Variants in OPCML observed in about 807,000 individuals in gnomAD.
OPCML encodes the protein opioid binding protein/cell adhesion molecule like, also known as opioid-binding protein/cell adhesion molecule.
Under a neutral mutation model 37.8 loss-of-function variants are expected in OPCML, and 13 were observed. The ratio of observed to expected loss-of-function variants is 0.34; its 90% CI spans 0.22 to 0.55. The LOEUF is 0.55. OPCML is among the 20% of genes least tolerant of loss of function. The pLI is 0.91. For synonymous variants in OPCML, 176 were observed against 168.8 expected (o/e 1.04, Z -0.33); for missense variants, 341 against 435.6 (o/e 0.78, Z 1.93).
intron 1 of OPCML, among the ~76,000 whole-genome samples, chr11:133,243,935 C>A (rs1940822909): frequency 1.3e-5 from 2 of 152,172 alleles, no homozygotes; most frequent in Non-Finnish European, 2.9e-5. Flanking sequence ...GCAATGTGTG[C>A]ACACCAAGTC....
chr11:132,578,024 GA>G (rs376116993), intron 3 of OPCML, among the ~76,000 whole-genome samples: 6 of 151,062 alleles, frequency 4.0e-5, no homozygotes, highest in Admixed American at 1.3e-4. Context: ...AAGATACATA[GA>G]AAAAAAAAGA....
chr11:132,570,700 A>C (rs2096435090), intron 3 of OPCML, among the ~76,000 whole-genome samples: 1 of 142,928 alleles, frequency 7.0e-6, no homozygotes, highest in Admixed American at 7.0e-5. Flanking sequence ...ATATGTGTGC[A>C]TGAAAAATTA....
intron 1 of OPCML, among the ~76,000 whole-genome samples, chr11:133,075,016 G>A (rs1393160712): frequency 6.6e-6 from 1 of 152,146 alleles, no homozygotes; most frequent in African/African-American, 2.4e-5. Context: ...GGGGACAGGA[G>A]GGCAGAGAGC....
At chr11:133,069,829 C>T (rs939004834) in intron 1 of OPCML, among the ~76,000 whole-genome samples, 1 of 151,944 alleles carries the variant, frequency 6.6e-6, no homozygotes, top group Non-Finnish European at 1.5e-5. Context: ...TTTTCATTGC[C>T]GAGCCTAATT....
At chr11:133,466,292 T>C (rs1216607024) in intron 1 of OPCML, among the ~76,000 whole-genome samples, 1 of 152,204 alleles carries the variant, frequency 6.6e-6, no homozygotes, top group African/African-American at 2.4e-5. Flanking sequence ...CTTAACAGTA[T>C]AATCCAAGAA....
chr11:132,591,804 TA>T (rs2096484895), intron 3 of OPCML, among the ~76,000 whole-genome samples: 1 of 152,224 alleles, frequency 6.6e-6, no homozygotes, highest in African/African-American at 2.4e-5. Context: ...CTCTGAGAAA[TA>T]TTAGCACATA....
intron 1 of OPCML, among the ~76,000 whole-genome samples, chr11:133,072,075 C>T (rs1948547752): frequency 6.6e-6 from 1 of 152,070 alleles, no homozygotes; most frequent in Non-Finnish European, 1.5e-5. Context: ...AGACTCGGGC[C>T]ACATGAAGTT....
At chr11:132,550,156 C>T (rs2096378149) in intron 3 of OPCML, among the ~76,000 whole-genome samples, 1 of 152,198 alleles carries the variant, frequency 6.6e-6, no homozygotes, top group Admixed American at 6.5e-5. Flanking sequence ...TCACCTTATA[C>T]ACACAAATGG....
rs150808714 is a variant in OPCML, at chr11:133,258,276, A to G, written c.61+273988T>C. Among the ~76,000 whole-genome samples the G allele has an allele frequency of 2.7e-4, 41 of 152,286 alleles. No homozygotes were observed. The East Asian group carries it at 7.5e-3, about 28-fold the overall frequency. ...AAGCAGTCAGTATAGAGTGGCAAAG[A>G]TCTTTTTATTTCTGTGAATAGGGGA... On this transcript the variant is annotated intron_variant, in intron 1 of 7. Coordinates refer to ENST00000524381, the MANE Select transcript of OPCML (RefSeq NM_001012393.5).
At chr11:133,253,639 A>G (rs962721809) in intron 1 of OPCML, among the ~76,000 whole-genome samples, 1 of 152,156 alleles carries the variant, frequency 6.6e-6, no homozygotes, top group African/African-American at 2.4e-5. Flanking sequence ...TTCATAACAA[A>G]TAAACCTTAT....
At chr11:133,259,537 A>T (rs1355332310) in intron 1 of OPCML, among the ~76,000 whole-genome samples, 2 of 152,214 alleles carry the variant, frequency 1.3e-5, no homozygotes, top group Non-Finnish European at 2.9e-5. Flanking sequence ...GAAATCTGAG[A>T]TGTAGAAACA....
chr11:133,355,780 C>A (rs1230456496), intron 1 of OPCML, among the ~76,000 whole-genome samples: 1 of 152,154 alleles, frequency 6.6e-6, no homozygotes, highest in Non-Finnish European at 1.5e-5. Context: ...ACCTCTCAGT[C>A]ATTTAAAATA....
In OPCML at chr11:132,568,336, A is replaced by G. The variant is rs1402654722; in HGVS notation, c.380-39150T>C. On this transcript the variant is annotated intron_variant, in intron 3 of 7. Transcript: ENST00000524381. Reference sequence around the variant, plus strand: ...TTTCCACTGTTTATGAATCAATTAAATGAATCATCTCCGTTGTACAGAATG... The same window carrying G: ...TTTCCACTGTTTATGAATCAATTAAGTGAATCATCTCCGTTGTACAGAATG... Among the ~76,000 whole-genome samples, 3 of 152,214 alleles carry G rather than the reference A, an allele frequency of 2.0e-5. No homozygotes were observed. In the East Asian group the frequency reaches 5.8e-4, roughly 29 times the overall value.
At chr11:132,831,533 C>T (rs1411942544) in intron 2 of OPCML, among the ~76,000 whole-genome samples, 1 of 152,134 alleles carries the variant, frequency 6.6e-6, no homozygotes, top group Non-Finnish European at 1.5e-5. Context: ...TCCACACTGC[C>T]ATTTTCCCTC....
chr11:133,326,899 G>A (rs1367177322), intron 1 of OPCML, among the ~76,000 whole-genome samples: 2 of 145,278 alleles, frequency 1.4e-5, no homozygotes, highest in African/African-American at 5.1e-5. Context: ...AGGGAGGTGT[G>A]GGTGAGGGTG....
chr11:133,221,466 T>C (rs931909360), intron 1 of OPCML, among the ~76,000 whole-genome samples: 1 of 152,176 alleles, frequency 6.6e-6, no homozygotes, highest in African/African-American at 2.4e-5. Context: ...TTGTTTAAGG[T>C]GTCAATTTGA....
intron 1 of OPCML, among the ~76,000 whole-genome samples, chr11:133,521,947 C>G (rs1948405885): frequency 6.6e-6 from 1 of 152,186 alleles, no homozygotes; most frequent in South Asian, 2.1e-4. Flanking sequence ...CCATATCTGG[C>G]ATGGTTTTGA....
intron 3 of OPCML, among the ~76,000 whole-genome samples, chr11:132,552,034 T>C (rs1199626736): frequency 6.6e-6 from 1 of 152,164 alleles, no homozygotes; most frequent in Non-Finnish European, 1.5e-5. Flanking sequence ...CCATTCTCTA[T>C]GTTGTCAGAG....
chr11:132,492,945 C>T lies in OPCML; in HGVS notation c.505+36116G>A, dbSNP rs77431283. Among the ~76,000 whole-genome samples the T allele has an allele frequency of 7.4e-3, 1,127 of 152,248 alleles. 7 individuals carry two copies. The highest frequency in any genetic ancestry group is 0.025 in the African/African-American group (1,047 of 41,534). On this transcript the variant is annotated intron_variant, in intron 4 of 7. Coordinates refer to ENST00000524381, the MANE Select transcript of OPCML (RefSeq NM_001012393.5). The stretch of plus-strand genomic sequence containing the variant: ...CTTGATGACTGAATGGATGATGGCC[C>T]TCCAGAGGGACTAGCACAGTACCTG...
Sources: allele counts gnomAD v4.1 joint callset (sites outside exome capture counted in the v4.1 genomes callset), GRCh38; gene constraint gnomAD v4.1.1; transcripts MANE v1.5; gene names NCBI Gene and HGNC (gene_info 2026-07-23, HGNC 2026-07-21).